TENM2: variants seen among roughly 807,000 people sequenced by gnomAD.
TENM2 encodes the protein teneurin-2.
TENM2 carries 52 observed loss-of-function variants against 245.2 expected under a neutral mutation model. That is an observed-to-expected ratio of 0.21 (90% CI 0.17 to 0.27). The LOEUF (loss-of-function observed/expected upper bound fraction) is 0.27, where lower values mean the gene tolerates loss of function less well. Ranked by LOEUF, TENM2 falls within the 10% of genes least tolerant of loss-of-function variation. TENM2 has a pLI of 1.00. For synonymous variants in TENM2, 1,363 were observed against 1,438.9 expected, an observed-to-expected ratio of 0.95 and a Z score of 1.19; for missense variants, 3,046 against 3,666.8, an observed-to-expected ratio of 0.83 and a Z score of 4.37.
the TENM2 span, among the ~76,000 whole-genome samples, chr5:167,251,520 T>G: frequency 0.89 from 134,779 of 152,120 alleles, 60,175 homozygotes; most frequent in Non-Finnish European, 0.94. Context: ...TATTTCTTTT[T>G]ATTTTCCTGA....
At chr5:167,389,257 T>TATAC (rs2127357767) in intron 2 of TENM2, among the ~76,000 whole-genome samples, 1 of 150,168 alleles carries the variant, frequency 6.7e-6, no homozygotes, top group African/African-American at 2.4e-5. Flanking sequence ...AAAATATATA[T>TATAC]ATATATATAT....
Position 167,546,886 on chromosome 5 carries a change from C to T in TENM2, c.502+171413C>T, listed in dbSNP as rs377704404. On this transcript the variant is annotated intron_variant, in intron 2 of 28. Coordinates refer to ENST00000518659, the Ensembl canonical transcript of TENM2. The stretch of plus-strand genomic sequence containing the variant: ...CTGTCCCTTTCCCCATAATTGACAC[C>T]TCAATCATTATGCTGGCCTCCTCTC... Among the ~76,000 whole-genome samples, 5 of 152,208 alleles carry T rather than the reference C, an allele frequency of 3.3e-5. No homozygotes were observed. The East Asian group carries it at 9.7e-4, about 29-fold the overall frequency.
At chr5:167,172,615 C>T in the TENM2 span, among the ~76,000 whole-genome samples, 1 of 150,056 alleles carries the variant, frequency 6.7e-6, no homozygotes. Context: ...TTTTCTTTCT[C>T]ATTTTCATCT....
At chr5:167,500,978 A>C (rs1769176117) in intron 2 of TENM2, among the ~76,000 whole-genome samples, 1 of 152,124 alleles carries the variant, frequency 6.6e-6, no homozygotes, top group Non-Finnish European at 1.5e-5. Context: ...TTAAAGAACA[A>C]ATTTGAGACT....
In TENM2 at chr5:168,195,556, G is replaced by A. The variant is rs12186655; in HGVS notation, c.2900+261G>A. 0.12 allele frequency among the ~76,000 whole-genome samples: 1,848 copies of A among 15,992 alleles called. 31 individuals carry two copies. Among genetic ancestry groups the A allele is most frequent in the Middle Eastern group, 0.3 (6 of 20 alleles). 10.5% of individuals were successfully genotyped at this position (15,992 alleles called of 152,430 possible). On this transcript the variant is annotated intron_variant, in intron 15 of 28. Coordinates refer to ENST00000518659, the Ensembl canonical transcript of TENM2. ...TTTAATGTCAGGTCAATGCACGTGT[G>A]TGTGTGTGTGTGTGTGTGTGTGTGT...
intron 2 of TENM2, among the ~76,000 whole-genome samples, chr5:167,825,362 C>G (rs1024417073): frequency 6.6e-6 from 1 of 152,136 alleles, no homozygotes; most frequent in Non-Finnish European, 1.5e-5. Flanking sequence ...AACTTTATGC[C>G]ATATGGTGAT....
chr5:167,900,462 A>C (rs1359278941), intron 3 of TENM2, among the ~76,000 whole-genome samples: 1 of 152,162 alleles, frequency 6.6e-6, no homozygotes, highest in Non-Finnish European at 1.5e-5. Flanking sequence ...CTGTTTGTAT[A>C]TGTGTTCCCA....
At chr5:168,219,062 G>T (rs1763446655) in intron 23 of TENM2, 63 bp downstream of exon 25, 1 of 1,508,388 alleles carries the variant, frequency 6.6e-7, no homozygotes, top group East Asian at 2.3e-5. Flanking sequence ...CATTAGGACT[G>T]GGTCGCTTGT....
At chr5:167,756,210 C>A (rs562015194) in intron 2 of TENM2, among the ~76,000 whole-genome samples, 4 of 152,148 alleles carry the variant, frequency 2.6e-5, no homozygotes, top group African/African-American at 7.2e-5. Context: ...GTTGCTGTTT[C>A]CATGTTGTAT....
At chr5:167,229,285 C>A in the TENM2 span, among the ~76,000 whole-genome samples, 2 of 152,170 alleles carry the variant, frequency 1.3e-5, no homozygotes, top group Admixed American at 1.3e-4. Flanking sequence ...GCTAATTGTG[C>A]CTGTCCTTGG....
chr5:167,175,146 C>G, the TENM2 span, among the ~76,000 whole-genome samples: 1 of 152,132 alleles, frequency 6.6e-6, no homozygotes, highest in African/African-American at 2.4e-5. Flanking sequence ...AAGGGAACAC[C>G]GACATCCCTA....
the TENM2 span, among the ~76,000 whole-genome samples, chr5:167,158,950 C>CTTCT: frequency 3.6e-4 from 45 of 126,720 alleles, 1 homozygote; most frequent in East Asian, 9.1e-3. Context: ...TTCTTTCTTT[C>CTTCT]TTCTTTCTTT....
At chr5:168,081,337 G>A (rs1418565054) in intron 7 of TENM2, among the ~76,000 whole-genome samples, 1 of 151,984 alleles carries the variant, frequency 6.6e-6, no homozygotes, top group East Asian at 1.9e-4. Context: ...TCTGCATGTG[G>A]GATGGGTCTC....
intron 5 of TENM2, among the ~76,000 whole-genome samples, chr5:168,036,677 GTATATATATA>G (rs60784450): frequency 8.5e-6 from 1 of 117,790 alleles, no homozygotes; most frequent in African/African-American, 3.4e-5. Flanking sequence ...ATATGTATGT[GTATATATATA>G]TATATATATA....
chr5:168,231,927 C>CA (rs1764959685), intron 25 of TENM2, among the ~76,000 whole-genome samples: 1 of 152,144 alleles, frequency 6.6e-6, no homozygotes, highest in Non-Finnish European at 1.5e-5. Flanking sequence ...GAGACCCTGT[C>CA]ATGGTGGCAC....
chr5:167,504,944 C>T (rs984677030), intron 2 of TENM2, among the ~76,000 whole-genome samples: 7 of 151,952 alleles, frequency 4.6e-5, no homozygotes, highest in African/African-American at 1.4e-4. Flanking sequence ...TTTGAGTTTT[C>T]GTCATTCAAA....
chr5:167,861,587 G>C (rs1436579899), intron 2 of TENM2, among the ~76,000 whole-genome samples: 1 of 152,174 alleles, frequency 6.6e-6, no homozygotes, highest in East Asian at 1.9e-4. Context: ...ATGAAGATGG[G>C]GCAGGCTCTG....
At chr5:168,024,773 C>T (rs1397278888) in intron 5 of TENM2, among the ~76,000 whole-genome samples, 1 of 152,194 alleles carries the variant, frequency 6.6e-6, no homozygotes, top group African/African-American at 2.4e-5. Flanking sequence ...GCCCACTCGC[C>T]AGGCTGGGAA....
the TENM2 span, among the ~76,000 whole-genome samples, chr5:167,084,327 T>C: frequency 4.3e-5 from 1 of 23,180 alleles, no homozygotes; most frequent in South Asian, 2.5e-3. Context: ...GCCATTTTAG[T>C]TATATATATA....
Sources: allele counts gnomAD v4.1 joint callset (sites outside exome capture counted in the v4.1 genomes callset), GRCh38; gene constraint gnomAD v4.1.1; transcripts MANE v1.5; gene names NCBI Gene and HGNC (gene_info 2026-07-23, HGNC 2026-07-21).